Variants in KIF1C observed in about 807,000 individuals in gnomAD.
KIF1C encodes the protein kinesin-like protein KIF1C.
Under a neutral mutation model 126.5 loss-of-function variants are expected in KIF1C, and 61 were observed. The observed-to-expected ratio is 0.48, with a 90% CI of 0.39 to 0.60. The LOEUF is 0.60. Ranked by LOEUF, KIF1C falls within the 20% of genes least tolerant of loss-of-function variation. The probability of loss-of-function intolerance (pLI) is 0.00; values close to 1 mark genes in which losing one functional copy is unlikely to be tolerated. For synonymous variants in KIF1C, 640 were observed against 580.6 expected, an observed-to-expected ratio of 1.10 and a Z score of -1.47; for missense variants, 1,315 against 1,489.2, an observed-to-expected ratio of 0.88 and a Z score of 1.93.
chr17:5,016,779 G>A (rs1037535309), intron 18 of KIF1C, among the ~76,000 whole-genome samples: 3 of 151,728 alleles, frequency 2.0e-5, no homozygotes, highest in East Asian at 2.0e-4. Flanking sequence ...GGTGGCGAAC[G>A]CTTGTAATCC....
chr17:5,003,689 G>C lies in KIF1C; in HGVS notation c.798G>C (p.Lys266Asn). The C allele has an allele frequency of 1.2e-6, 2 of 1,613,300 alleles. No homozygotes were observed. The highest frequency in any genetic ancestry group is 1.7e-6 in the Non-Finnish European group (2 of 1,179,502). ...DSSGARGMRLKEGANINKSLT... is the reference protein window; with the variant it reads ...DSSGARGMRLNEGANINKSLT... ...CAGGGGCCCGGGGCATGCGCCTGAA[G>C]GTGAGGGGCCTTCAGAGGGTGGTTT... is the stretch of plus-strand genomic sequence containing the variant. Residue 266 changes from lysine (K) to asparagine (N), a missense_variant and splice_region_variant, in exon 9 of 23, where the codon AAG becomes AAC. Lys to Asn is a moderately conservative substitution (Grantham distance 94). Coordinates refer to ENST00000320785, the MANE Select transcript of KIF1C (RefSeq NM_006612.6).
Position 5,027,913 on chromosome 17 carries a change from G to A in KIF1C, c.*3762G>A, listed in dbSNP as rs1245301086. 2 of 152,030 alleles carry A rather than the reference G, an allele frequency of 1.3e-5. No individual in the cohort carries two copies. Among genetic ancestry groups the A allele is most frequent in the Non-Finnish European group, 2.9e-5 (2 of 68,024 alleles). 9.4% of individuals were successfully genotyped at this position (152,030 alleles called of 1,614,324 possible). On this transcript the variant is annotated 3_prime_UTR_variant, in exon 23 of 23. Transcript: ENST00000320785. The stretch of plus-strand genomic sequence containing the variant: ...CTTGAGCCTGGGAGGTCAAGGCTGC[G>A]GTGACCTGTGATTGCACCACCAGGA...
In KIF1C at chr17:5,001,255, G is replaced by C; in HGVS notation, c.217G>C (p.Val73Leu). 6.2e-7 allele frequency: 1 copy of C among 1,614,174 alleles called. No individual in the cohort carries two copies. The highest frequency in any genetic ancestry group is 8.5e-7 in the Non-Finnish European group (1 of 1,179,996). The change falls in exon 5 of 23, where the codon GTG becomes CTG. Residue 73 changes from valine to leucine, a missense_variant. Val to Leu is a conservative substitution (Grantham distance 32). Coordinates refer to ENST00000320785, the MANE Select transcript of KIF1C (RefSeq NM_006612.6). ...EDPQFASQQQ[V>L]YRDIGEEMLL... Reference sequence around the variant, plus strand: ...CCCCCAGTTTGCATCTCAGCAGCAAGTGTATCGGGACATTGGAGAAGAGAT... The same window carrying C: ...CCCCCAGTTTGCATCTCAGCAGCAACTGTATCGGGACATTGGAGAAGAGAT...
rs1314023468 is a variant in KIF1C, at chr17:5,007,457, C to T, written c.1416-10C>T. ...GGTAAGACTGACATTTGCCTCTCCT[C>T]TGCCCACAGAGAAGCATTGCTGGCT... On this transcript the variant is annotated splice_polypyrimidine_tract_variant and intron_variant, in intron 15 of 22. Coordinates refer to ENST00000320785, the MANE Select transcript of KIF1C (RefSeq NM_006612.6). 1 of 1,601,778 alleles carries T rather than the reference C, an allele frequency of 6.2e-7. No individual in the cohort carries two copies. The highest frequency in any genetic ancestry group is 8.5e-7 in the Non-Finnish European group (1 of 1,172,836).
At position 5,014,747 on chromosome 17, in the gene KIF1C, G is replaced by A. The variant is rs747822842; in HGVS notation, c.1576G>A (p.Gly526Ser). Reference protein sequence around the residue: ...YHIKDGVTRVGQVDMDIKLTG... With the variant: ...YHIKDGVTRVSQVDMDIKLTG... ...CGTTGGCCATTGCTTCCCCAGGGTC[G>A]GCCAAGTAGATATGGACATCAAGCT... The change falls in exon 18 of 23, where the codon GGC (glycine) becomes AGC (serine). Residue 526 changes from glycine (G) to serine (S), a missense_variant. By Grantham distance (56) the Gly-to-Ser change is moderately conservative (BLOSUM62 0). This residue lies in a region of KIF1C where 874 missense variants were observed against 1,053.2 expected (regional missense o/e 0.83). Coordinates refer to ENST00000320785, the MANE Select transcript of KIF1C (RefSeq NM_006612.6). 10 of 1,589,332 alleles carry A rather than the reference G, an allele frequency of 6.3e-6. No individual in the cohort carries two copies. The highest frequency in any genetic ancestry group is 1.8e-5 in the Admixed American group (1 of 55,732).
rs935790453 is a variant in KIF1C, at chr17:5,024,538, CGTCT to C, written c.*402_*405del. The C allele has an allele frequency of 8.4e-4, 160 of 191,348 alleles. No individual in the cohort carries two copies. The East Asian group carries it at 0.01, about 12-fold the overall frequency. 11.9% of individuals were successfully genotyped at this position (191,348 alleles called of 1,614,324 possible). On this transcript the variant is annotated 3_prime_UTR_variant, in exon 23 of 23. Coordinates refer to ENST00000320785, the MANE Select transcript of KIF1C (RefSeq NM_006612.6). The stretch of plus-strand genomic sequence containing the variant: ...AGGCAAGTTCTCCCCAGCCCCTGTC[CGTCT>C]GTCTGTCTGTCTGTGGTGGTTTCTG...
chr17:5,006,751 T>A (rs1387490938), intron 13 of KIF1C, among the ~76,000 whole-genome samples, 164 bp from the exon 14 acceptor site: 1 of 152,194 alleles, frequency 6.6e-6, no homozygotes, highest in East Asian at 1.9e-4. Context: ...GGTGCCCATT[T>A]ACCATGGCTG....
chr17:5,012,403 T>C (rs1435634182), intron 16 of KIF1C, among the ~76,000 whole-genome samples: 1 of 151,936 alleles, frequency 6.6e-6, no homozygotes, highest in Non-Finnish European at 1.5e-5. Context: ...GTTGGGGACA[T>C]TGGCAGTCAG....
At chr17:5,012,226 G>T (rs1280715354) in intron 16 of KIF1C, among the ~76,000 whole-genome samples, 2 of 152,222 alleles carry the variant, frequency 1.3e-5, no homozygotes, top group African/African-American at 4.8e-5. Flanking sequence ...CCAGGGTGAG[G>T]TAGAAAGGCC....
rs991314858 is a variant in KIF1C at position 5,024,763 on chromosome 17, C to T, written c.*612C>T. 1 of 152,908 alleles carries T rather than the reference C, an allele frequency of 6.5e-6. No individual in the cohort carries two copies. The highest frequency in any genetic ancestry group is 1.5e-5 in the Non-Finnish European group (1 of 68,298). The allele number at this position is 152,908 out of a possible 1,614,324, so 9.5% of individuals were successfully genotyped here. A position where few individuals can be genotyped will look rare whatever the true frequency, so the allele number is the denominator to read the frequency against. ...GTGTAGGTTATATAAGGCAATGGCA[C>T]AGGTCTTAAGCATACTTATCAGTGA... On this transcript the variant is annotated 3_prime_UTR_variant, in exon 23 of 23. Coordinates refer to ENST00000320785, the MANE Select transcript of KIF1C (RefSeq NM_006612.6).
intron 16 of KIF1C, among the ~76,000 whole-genome samples, chr17:5,010,733 C>T (rs138386642): frequency 0.065 from 9,863 of 150,802 alleles, 415 homozygotes; most frequent in Middle Eastern, 0.14. Context: ...GGTGACAGAG[C>T]GAGACTCCGT....
At position 5,003,635 on chromosome 17, in the gene KIF1C, C is replaced by T; in HGVS notation, c.744C>T (p.Asp248=). 1 of 1,613,530 alleles carries T rather than the reference C, an allele frequency of 6.2e-7. No homozygotes were observed. Among genetic ancestry groups the T allele is most frequent in the Non-Finnish European group, 8.5e-7 (1 of 1,179,732 alleles). ...SEKVSKISLV[D]LAGSERADSS... is the part of the protein sequence containing the mutation. ...AGGTCAGTAAGATCAGTTTGGTGGA[C>T]CTTGCTGGGAGTGAGCGAGCCGACT... is the stretch of plus-strand genomic sequence containing the variant. The change falls in exon 9 of 23, where the codon GAC becomes GAT. Residue 248 remains aspartate (D), a synonymous_variant. Transcript: ENST00000320785.
intron 18 of KIF1C, among the ~76,000 whole-genome samples, chr17:5,017,124 C>T (rs1443751041): frequency 6.6e-6 from 1 of 151,984 alleles, no homozygotes; most frequent in Non-Finnish European, 1.5e-5. Context: ...GAAAGCCATA[C>T]AGGCCACCAA....
chr17:5,026,215 T>A lies in KIF1C; in HGVS notation c.*2064T>A, dbSNP rs1467182983. The A allele has an allele frequency of 6.6e-6, 1 of 152,166 alleles. No homozygotes were observed. Among genetic ancestry groups the A allele is most frequent in the African/African-American group, 2.4e-5 (1 of 41,430 alleles). 9.4% of individuals were successfully genotyped at this position (152,166 alleles called of 1,614,324 possible). On this transcript the variant is annotated 3_prime_UTR_variant, in exon 23 of 23. Transcript: ENST00000320785. ...GTTGACAGTGACTCAAGATCTGGAA[T>A]GTAATGGATGGTTTGGCAACAGTGT...
At position 5,022,801 on chromosome 17, in the gene KIF1C, G is replaced by A. The variant is rs1975123464; in HGVS notation, c.2628+92G>A. On this transcript the variant is annotated intron_variant, in intron 22 of 22. Coordinates refer to ENST00000320785, the MANE Select transcript of KIF1C (RefSeq NM_006612.6). The surrounding 1 kb of genome is among the most constrained non-coding windows in gnomAD (Gnocchi z 4.9). Reference sequence around the variant, plus strand: ...CATCTCAGAGCCTAACCTTCCCCAAGTCTGGAAAAAATTGCATTGAAGTAT... The same window carrying A: ...CATCTCAGAGCCTAACCTTCCCCAAATCTGGAAAAAATTGCATTGAAGTAT... 1 of 1,383,610 alleles carries A rather than the reference G, an allele frequency of 7.2e-7. No homozygotes were observed. Among genetic ancestry groups the A allele is most frequent in the Non-Finnish European group, 9.3e-7 (1 of 1,071,852 alleles). The allele number at this position is 1,383,610 out of a possible 1,614,324, so 85.7% of individuals were successfully genotyped here.
At chr17:5,019,949 C>A in intron 18 of KIF1C, 47 bp from the exon 19 acceptor site, 4 of 1,485,810 alleles carry the variant, frequency 2.7e-6, no homozygotes, top group Non-Finnish European at 3.7e-6. Context: ...CATGACCCAC[C>A]TTCCTCCAGG....
chr17:5,004,865 C>T lies in KIF1C; in HGVS notation c.1030C>T (p.Arg344Cys), dbSNP rs370727070. 2.0e-5 allele frequency: 32 copies of T among 1,614,084 alleles called. No individual in the cohort carries two copies. Among genetic ancestry groups the T allele is most frequent in the Admixed American group, 6.7e-5 (4 of 60,006 alleles). The change falls in exon 13 of 23, where the codon CGC (arginine) becomes TGC (cysteine). Residue 344 changes from arginine to cysteine, a missense_variant. By Grantham distance (180) the Arg-to-Cys change is radical. Coordinates refer to ENST00000320785, the MANE Select transcript of KIF1C (RefSeq NM_006612.6). ...TCCTCTGTCACCCAGGTATGCTGAC[C>T]GCACCAAGCAAATCCGCTGCAATGC... ...ETLSTLRYAD[R>C]TKQIRCNAII...
chr17:5,023,506 C>T lies in KIF1C; in HGVS notation c.2667C>T (p.Pro889=), dbSNP rs1272057330. Residue 889 remains proline, a synonymous_variant, in exon 23 of 23, where the codon CCC becomes CCT. Coordinates refer to ENST00000320785, the MANE Select transcript of KIF1C (RefSeq NM_006612.6). The surrounding 1 kb of genome is among the most constrained non-coding windows in gnomAD (Gnocchi z 4.2). ...AGAATGAAGAAGGTGGTGAGGTCCCCTGGGCCCCGCCTGAAGGATCAGAGG... is the reference window on the plus strand; with the variant it reads ...AGAATGAAGAAGGTGGTGAGGTCCCTTGGGCCCCGCCTGAAGGATCAGAGG... ...EDENEEGGEV[P]WAPPEGSEAA... The T allele has an allele frequency of 4.3e-6, 7 of 1,614,104 alleles. No individual in the cohort carries two copies. The South Asian group carries it at 6.6e-5, about 15-fold the overall frequency.
At chr17:5,017,160 A>G (rs1406737581) in intron 18 of KIF1C, among the ~76,000 whole-genome samples, 1 of 152,170 alleles carries the variant, frequency 6.6e-6, no homozygotes, top group Non-Finnish European at 1.5e-5. Context: ...GAGCCAGCCC[A>G]TGGGCAAGGA....
Sources: allele counts gnomAD v4.1 joint callset (sites outside exome capture counted in the v4.1 genomes callset), GRCh38; gene constraint gnomAD v4.1.1; regional missense constraint gnomAD v4.1.1; non-coding constraint Gnocchi (gnomAD v3.1); transcripts MANE v1.5; gene names NCBI Gene and HGNC (gene_info 2026-07-23, HGNC 2026-07-21).